ARL10: variants seen among roughly 807,000 people sequenced by gnomAD.
ARL10 encodes the protein ARF like GTPase 10.
Under a neutral mutation model 26.1 loss-of-function variants are expected in ARL10, and 23 were observed. The observed-to-expected ratio is 0.88, with a 90% CI of 0.63 to 1.25. The LOEUF (loss-of-function observed/expected upper bound fraction) is 1.25, where lower values mean the gene tolerates loss of function less well. Ranked by LOEUF, ARL10 falls within the 50% of genes most tolerant of loss-of-function variation. The pLI, the probability that ARL10 is intolerant of heterozygous loss-of-function variation, is 0.00. For synonymous variants in ARL10, 138 were observed against 149.1 expected, an observed-to-expected ratio of 0.93 and a Z score of 0.54; for missense variants, 300 against 323.6, an observed-to-expected ratio of 0.93 and a Z score of 0.56.
intron 1 of ARL10, chr5:176,397,798 C>T (rs994928855): frequency 1.3e-6 from 2 of 1,522,984 alleles, no homozygotes; most frequent in East Asian, 4.5e-5. Flanking sequence ...CTGGCCCCTG[C>T]CAGGCAGCCA....
intron 3 of ARL10, 177 bp downstream of exon 3, chr5:176,369,159 C>T (rs1561772918): frequency 6.5e-7 from 1 of 1,534,508 alleles, no homozygotes; most frequent in Non-Finnish European, 8.7e-7. Flanking sequence ...CTCTTTGCCT[C>T]CCTATCATCT....
At chr5:176,396,322 G>A (rs948102983) in intron 1 of ARL10, among the ~76,000 whole-genome samples, 1 of 152,122 alleles carries the variant, frequency 6.6e-6, no homozygotes, top group African/African-American at 2.4e-5. Flanking sequence ...GAGGGAGGTG[G>A]TTGCTGCCTG....
In ARL10 at chr5:176,377,433, A is replaced by G; in HGVS notation, c.*5538A>G. The G allele has an allele frequency of 6.6e-6, 1 of 152,222 alleles. No homozygotes were observed. The highest frequency in any genetic ancestry group is 6.5e-5 in the Admixed American group (1 of 15,276). The allele number at this position is 152,222 out of a possible 1,614,324, so 9.4% of individuals were successfully genotyped here. ...CAGAGATGCCCCATAAAGGAAACACATGTTCTTATAACTCCTTAGCTACTG... is the reference window on the plus strand; with the variant it reads ...CAGAGATGCCCCATAAAGGAAACACGTGTTCTTATAACTCCTTAGCTACTG... On this transcript the variant is annotated 3_prime_UTR_variant, in exon 4 of 4. Transcript: ENST00000310389. This position sits in a 1 kb window ranked among gnomAD's most constrained non-coding sequence, Gnocchi z 4.5.
In ARL10 at chr5:176,377,674, T is replaced by C. The variant is rs1316350633; in HGVS notation, c.*5779T>C. On this transcript the variant is annotated 3_prime_UTR_variant, in exon 4 of 4. Coordinates refer to ENST00000310389, the MANE Select transcript of ARL10 (RefSeq NM_173664.6). The surrounding 1 kb of genome is among the most constrained non-coding windows in gnomAD (Gnocchi z 4.5). ...GGTTTGACAAACCAGATATTGGTTA[T>C]AACCCATTTCAGCATTTTACAGTGG... is the stretch of plus-strand genomic sequence containing the variant. 1 of 152,270 alleles carries C rather than the reference T, an allele frequency of 6.6e-6. No homozygotes were observed. The highest frequency in any genetic ancestry group is 2.4e-5 in the African/African-American group (1 of 41,472). 9.4% of individuals were successfully genotyped at this position (152,270 alleles called of 1,614,324 possible).
downstream of ARL10, chr5:176,406,472 A>G: frequency 8.4e-7 from 1 of 1,185,202 alleles, no homozygotes; most frequent in East Asian, 6.6e-5. Context: ...GGGATTGATC[A>G]GCTAAATCTA....
chr5:176,392,387 T>C, downstream of ARL10: 1 of 174,822 alleles, frequency 5.7e-6, no homozygotes, highest in Non-Finnish European at 1.2e-5. This position sits in a 1 kb window ranked among gnomAD's most constrained non-coding sequence, Gnocchi z 5.2. Context: ...TGGGGGAACA[T>C]TCTCCCTTCT....
At chr5:176,387,451 C>T (rs576230809) in intron 1 of ARL10, among the ~76,000 whole-genome samples, 1 of 152,210 alleles carries the variant, frequency 6.6e-6, no homozygotes, top group East Asian at 1.9e-4. Context: ...ATGGGCTTCG[C>T]GAATGAATTT....
At position 176,394,620 on chromosome 5, in the gene ARL10, C is replaced by T. The variant is rs1236385389; in HGVS notation, c.134-7121C>T. Among the ~76,000 whole-genome samples the T allele has an allele frequency of 2.6e-5, 4 of 151,578 alleles. No homozygotes were observed. The East Asian group carries it at 5.8e-4, about 22-fold the overall frequency. On this transcript the variant is annotated intron_variant, in intron 1 of 1. Transcript: ENST00000514533. ...ATCACGAGGTCAGATGGAGAGCATC[C>T]TGGCTAACACGGTGAAACCCCGTCT... is the stretch of plus-strand genomic sequence containing the variant.
At chr5:176,389,164 A>G (rs530819153), downstream of ARL10, among the ~76,000 whole-genome samples, 3 of 152,058 alleles carry the variant, frequency 2.0e-5, no homozygotes, top group African/African-American at 7.2e-5. Flanking sequence ...TTTGGGGCCT[A>G]AGATTGGGAG....
the ARL10 span, among the ~76,000 whole-genome samples, chr5:176,412,136 A>C: frequency 6.7e-6 from 1 of 148,358 alleles, no homozygotes; most frequent in African/African-American, 2.5e-5. Flanking sequence ...AGATCCCGCC[A>C]CTGCACTCCA....
intron 1 of ARL10, chr5:176,388,250 G>A (rs1459742123): frequency 2.5e-6 from 4 of 1,612,052 alleles, no homozygotes; most frequent in African/African-American, 1.3e-5. Context: ...TCTTACGGAG[G>A]GGCACCGCCC....
In ARL10 at chr5:176,379,220, G is replaced by T. The variant is rs1451144284; in HGVS notation, c.*7325G>T. ...TTTTGCTCTTCTTGCCCAAGCTGGAGTGCAGTGGTGTAATCTCAGCTCGCT... is the reference window on the plus strand; with the variant it reads ...TTTTGCTCTTCTTGCCCAAGCTGGATTGCAGTGGTGTAATCTCAGCTCGCT... On this transcript the variant is annotated 3_prime_UTR_variant, in exon 4 of 4. Transcript: ENST00000310389. 1 of 152,162 alleles carries T rather than the reference G, an allele frequency of 6.6e-6. No individual in the cohort carries two copies. The highest frequency in any genetic ancestry group is 1.9e-4 in the East Asian group (1 of 5,202). The allele number at this position is 152,162 out of a possible 1,614,324, so 9.4% of individuals were successfully genotyped here.
At chr5:176,394,251 C>T (rs917306515) in intron 1 of ARL10, among the ~76,000 whole-genome samples, 1 of 152,334 alleles carries the variant, frequency 6.6e-6, no homozygotes, top group East Asian at 1.9e-4. Flanking sequence ...CAGCTCAAAG[C>T]GTCCATGGTC....
chr5:176,394,683 C>T (rs557494384), intron 1 of ARL10, among the ~76,000 whole-genome samples: 43 of 152,146 alleles, frequency 2.8e-4, no homozygotes, highest in Middle Eastern at 3.4e-3. Flanking sequence ...GGCATGGTGG[C>T]GGGCACCTGT....
intron 1 of ARL10, chr5:176,396,645 G>A (rs1756537220): frequency 3.8e-6 from 3 of 785,220 alleles, no homozygotes; most frequent in Non-Finnish European, 4.4e-6. Flanking sequence ...CCTCCAGTGG[G>A]AGAAATGTTA....
At chr5:176,409,928 G>A in the ARL10 span, among the ~76,000 whole-genome samples, 1 of 152,198 alleles carries the variant, frequency 6.6e-6, no homozygotes, top group African/African-American at 2.4e-5. Flanking sequence ...CCTGGGTTCT[G>A]CCTCCCGTCA....
Position 176,368,812 on chromosome 5 carries a change from G to T in ARL10, c.391G>T (p.Gly131Cys). The T allele has an allele frequency of 2.5e-6, 4 of 1,610,098 alleles. No individual in the cohort carries two copies. Among genetic ancestry groups the T allele is most frequent in the Non-Finnish European group, 3.4e-6 (4 of 1,177,468 alleles). The change falls in exon 3 of 4, where the codon GGC becomes TGC. Residue 131 changes from glycine to cysteine, a missense_variant. Gly to Cys is a radical substitution (Grantham distance 159). Coordinates refer to ENST00000310389, the MANE Select transcript of ARL10 (RefSeq NM_173664.6). The surrounding 1 kb of genome is among the most constrained non-coding windows in gnomAD (Gnocchi z 4.1). The stretch of plus-strand genomic sequence containing the variant: ...GGCCCCTGGCCTCTCCTCAGTTGGG[G>T]GCAGCCAGAACCTGCGCTTCTACTG... ...DFEVDLLEIG[G>C]SQNLRFYWKE...
chr5:176,392,260 C>A (rs1185856172), downstream of ARL10, among the ~76,000 whole-genome samples: 1 of 152,232 alleles, frequency 6.6e-6, no homozygotes, highest in Non-Finnish European at 1.5e-5. The surrounding 1 kb of genome is among the most constrained non-coding windows in gnomAD (Gnocchi z 5.2). Flanking sequence ...ACAGAATTTA[C>A]CTCACAGACT....
At chr5:176,366,687 C>T in intron 2 of ARL10, 106 bp downstream of exon 2, 3 of 1,314,322 alleles carry the variant, frequency 2.3e-6, no homozygotes, top group East Asian at 2.4e-5. Context: ...AGCACATTCC[C>T]CTCTACGAAT....
Sources: gnomAD v4.1 joint callset for allele counts (sites outside exome capture counted in the v4.1 genomes callset) on GRCh38, gnomAD v4.1.1 for gene constraint, Gnocchi (gnomAD v3.1) non-coding constraint, MANE v1.5 for transcripts, NCBI Gene and HGNC (gene_info 2026-07-23, HGNC 2026-07-21) for gene names.